Variants in ZHX2 observed in about 807,000 individuals in gnomAD.
ZHX2 encodes zinc fingers and homeoboxes protein 2.
ZHX2 carries 6 observed loss-of-function variants against 21.9 expected under a neutral mutation model. That is an observed-to-expected ratio of 0.27 (90% CI 0.15 to 0.54). The LOEUF (loss-of-function observed/expected upper bound fraction) is 0.54, where lower values mean the gene tolerates loss of function less well. ZHX2 is among the 20% of genes least tolerant of loss of function. ZHX2 has a pLI of 0.95. For synonymous variants in ZHX2, 434 were observed against 437.1 expected, an observed-to-expected ratio of 0.99 and a Z score of 0.09; for missense variants, 908 against 1,090.7, an observed-to-expected ratio of 0.83 and a Z score of 2.36.
chr8:122,940,649 G>A (rs1231571954), intron 2 of ZHX2, among the ~76,000 whole-genome samples: 1 of 152,196 alleles, frequency 6.6e-6, no homozygotes, highest in Non-Finnish European at 1.5e-5. Flanking sequence ...AGAGCAGCAT[G>A]TTGAAAAAGA....
chr8:122,918,714 A>G (rs1417711220), intron 2 of ZHX2, among the ~76,000 whole-genome samples: 1 of 152,158 alleles, frequency 6.6e-6, no homozygotes, highest in Non-Finnish European at 1.5e-5. Flanking sequence ...TGGGAGGCCG[A>G]GGCATGTGGA....
At position 122,875,128 on chromosome 8, in the gene ZHX2, G is replaced by GTT. The variant is rs1186885962; in HGVS notation, c.-220+11590_-220+11591dup. Among the ~76,000 whole-genome samples, 140 of 20,330 alleles carry GTT rather than the reference G, an allele frequency of 6.9e-3. 25 individuals carry two copies. The highest frequency in any genetic ancestry group is 0.028 in the Middle Eastern group (1 of 36). The allele number at this position is 20,330 out of a possible 152,430, so 13.3% of individuals were successfully genotyped here. ...CTGCTTTTAGAGGAAGGAAAACTCTGTTATATATATATATATATATATATA... is the reference window on the plus strand; with the variant it reads ...CTGCTTTTAGAGGAAGGAAAACTCTGTTTTATATATATATATATATATATATA... On this transcript the variant is annotated intron_variant, in intron 2 of 3. Coordinates refer to ENST00000314393, the MANE Select transcript of ZHX2 (RefSeq NM_014943.5).
intron 2 of ZHX2, among the ~76,000 whole-genome samples, chr8:122,868,383 C>G (rs1035871195): frequency 6.6e-6 from 1 of 152,174 alleles, no homozygotes; most frequent in African/African-American, 2.4e-5. Flanking sequence ...CACAGAGGCT[C>G]ACACCTATAA....
intron 2 of ZHX2, among the ~76,000 whole-genome samples, chr8:122,877,704 G>A (rs943702873): frequency 1.3e-5 from 2 of 152,184 alleles, no homozygotes; most frequent in Admixed American, 1.3e-4. Context: ...GTGGCTGCAG[G>A]TGACTTGAAG....
In ZHX2 at chr8:122,914,445, C is replaced by T. The variant is rs144027668; in HGVS notation, c.-219-36847C>T. On this transcript the variant is annotated intron_variant, in intron 2 of 3. Coordinates refer to ENST00000314393, the MANE Select transcript of ZHX2 (RefSeq NM_014943.5). Reference sequence around the variant, plus strand: ...GACTGACAAAGCACAAGGGCCCTTTCGGTTATTTCTCAGCCACGCCTCCAG... The same window carrying T: ...GACTGACAAAGCACAAGGGCCCTTTTGGTTATTTCTCAGCCACGCCTCCAG... Among the ~76,000 whole-genome samples, 12 of 152,304 alleles carry T rather than the reference C, an allele frequency of 7.9e-5. No homozygotes were observed. The East Asian group carries it at 1.2e-3, about 15-fold the overall frequency.
intron 1 of ZHX2, among the ~76,000 whole-genome samples, chr8:122,855,440 G>A (rs1051517655): frequency 6.6e-6 from 1 of 152,094 alleles, no homozygotes; most frequent in African/African-American, 2.4e-5. Context: ...GGGTCAGAGT[G>A]TGCCCCTAGC....
At chr8:122,917,832 C>T (rs1480324394) in intron 2 of ZHX2, among the ~76,000 whole-genome samples, 1 of 152,180 alleles carries the variant, frequency 6.6e-6, no homozygotes, top group Non-Finnish European at 1.5e-5. Context: ...GCTACAGAGG[C>T]ACACACACCA....
intron 2 of ZHX2, among the ~76,000 whole-genome samples, chr8:122,891,270 T>TTG (rs59893492): frequency 0.019 from 1,492 of 77,440 alleles, 15 homozygotes; most frequent in East Asian, 0.064. Context: ...TCTTGGTAGA[T>TTG]TGTGTGTGTG....
intron 2 of ZHX2, among the ~76,000 whole-genome samples, chr8:122,950,674 G>A (rs1037505946): frequency 7.2e-5 from 11 of 151,988 alleles, no homozygotes; most frequent in Non-Finnish European, 1.2e-4. Context: ...TATACCACAC[G>A]TGATGATTTC....
intron 2 of ZHX2, among the ~76,000 whole-genome samples, chr8:122,911,416 T>C (rs566261443): frequency 6.6e-6 from 1 of 152,210 alleles, no homozygotes; most frequent in East Asian, 1.9e-4. Context: ...GCCTGCCCCC[T>C]GCTTCCCCTT....
At chr8:122,958,677 C>T (rs143609191) in intron 3 of ZHX2, among the ~76,000 whole-genome samples, 274 of 152,380 alleles carry the variant, frequency 1.8e-3, no homozygotes, top group South Asian at 5.2e-3. Context: ...CACCTCTCAA[C>T]TGTCAGGCCA....
At chr8:122,823,225 GC>G (rs1303414788) in intron 1 of ZHX2, among the ~76,000 whole-genome samples, 2 of 152,154 alleles carry the variant, frequency 1.3e-5, no homozygotes, top group Admixed American at 6.5e-5. Context: ...TTGTCTCTTG[GC>G]CACACTTTAA....
At chr8:122,801,816 A>G (rs576557021) in intron 1 of ZHX2, among the ~76,000 whole-genome samples, 9 of 152,264 alleles carry the variant, frequency 5.9e-5, no homozygotes, top group Admixed American at 5.9e-4. Context: ...CTAAACGCAC[A>G]TCTGGAGGAA....
At chr8:122,905,237 GAC>G (rs1395118807) in intron 2 of ZHX2, among the ~76,000 whole-genome samples, 4 of 152,164 alleles carry the variant, frequency 2.6e-5, no homozygotes, top group Non-Finnish European at 4.4e-5. Context: ...TTTACAATAA[GAC>G]ACATCATACT....
chr8:122,957,563 G>A (rs535394251), intron 3 of ZHX2, among the ~76,000 whole-genome samples: 1 of 152,228 alleles, frequency 6.6e-6, no homozygotes, highest in East Asian at 1.9e-4. Context: ...CGCCTCCCAG[G>A]TTCAAGCGAT....
chr8:122,914,320 C>T (rs368163665), intron 2 of ZHX2, among the ~76,000 whole-genome samples: 8 of 152,244 alleles, frequency 5.3e-5, no homozygotes, highest in East Asian at 1.9e-4. Flanking sequence ...ACTGAAGGCA[C>T]TTGAGTCCCA....
chr8:122,869,867 G>A (rs1370417796), intron 2 of ZHX2, among the ~76,000 whole-genome samples: 1 of 152,208 alleles, frequency 6.6e-6, no homozygotes, highest in Non-Finnish European at 1.5e-5. Flanking sequence ...AGGGTAGTTA[G>A]GATGACTAAA....
At chr8:122,811,342 C>CT (rs1817923891) in intron 1 of ZHX2, among the ~76,000 whole-genome samples, 1 of 152,204 alleles carries the variant, frequency 6.6e-6, no homozygotes. Flanking sequence ...GACTGCACCA[C>CT]TGCACTCCAG....
intron 2 of ZHX2, among the ~76,000 whole-genome samples, chr8:122,918,193 T>C (rs1451777689): frequency 6.6e-6 from 1 of 152,194 alleles, no homozygotes; most frequent in Non-Finnish European, 1.5e-5. Flanking sequence ...ATGAAAAAAC[T>C]GAGACACAGG....
Sources: gnomAD v4.1 joint callset for allele counts (sites outside exome capture counted in the v4.1 genomes callset) on GRCh38, gnomAD v4.1.1 for gene constraint, MANE v1.5 for transcripts, NCBI Gene and HGNC (gene_info 2026-07-23, HGNC 2026-07-21) for gene names.